Variants in GSE1 observed in about 807,000 individuals in gnomAD.
GSE1 encodes Gse1 coiled-coil protein.
Under a neutral mutation model 112.6 loss-of-function variants are expected in GSE1, and 32 were observed. That is an observed-to-expected ratio of 0.28 (90% confidence interval 0.21 to 0.38). The LOEUF (loss-of-function observed/expected upper bound fraction) is 0.38. Among genes scored for constraint, GSE1 ranks in the 10% least tolerant of loss-of-function variants. GSE1 has a pLI of 1.00. For missense variants in GSE1, 2,348 were observed against 1,699.2 expected, an observed-to-expected ratio of 1.38 and a Z score of -6.71; for synonymous variants, 1,115 against 735.6, an observed-to-expected ratio of 1.52 and a Z score of -8.35.
intron 1 of GSE1, among the ~76,000 whole-genome samples, chr16:85,291,334 C>T (rs930884524): frequency 3.9e-5 from 6 of 152,192 alleles, no homozygotes; most frequent in African/African-American, 1.2e-4. Flanking sequence ...CTGGGCAGCC[C>T]GCTCTGCAGA....
rs868095758 is a variant in GSE1, at chr16:85,171,066, C to T, written c.1542C>T (p.Ser514=). The T allele has an allele frequency of 3.4e-5, 34 of 985,678 alleles. No homozygotes were observed. In the African/African-American group the frequency reaches 4.9e-4, roughly 14 times the overall value. The allele number at this position is 985,678 out of a possible 1,614,324, so 61.1% of individuals were successfully genotyped here. A position where few individuals can be genotyped will look rare whatever the true frequency, so the allele number is the denominator to read the frequency against. The change falls in exon 1 of 3, where the codon AGC becomes AGT. Residue 514 remains serine, a synonymous_variant. Coordinates refer to the GSE1 transcript ENST00000637419. ...GCGCCATGCATTTCCCCTTCCTCAG[C>T]CTCCTGCCCTGCCCGCCCAACGCCC...
At chr16:85,452,740 G>A (rs536244363) in intron 2 of GSE1, among the ~76,000 whole-genome samples, 1 of 152,268 alleles carries the variant, frequency 6.6e-6, no homozygotes, top group Non-Finnish European at 1.5e-5. Context: ...CTGGGAGAGA[G>A]ACCCCTGGTG....
At chr16:85,304,245 C>T (rs1373477517) in intron 1 of GSE1, among the ~76,000 whole-genome samples, 1 of 152,238 alleles carries the variant, frequency 6.6e-6, no homozygotes, top group East Asian at 1.9e-4. Context: ...AGGAAGGGAT[C>T]GATCACTCGG....
chr16:85,435,408 C>G (rs1197557238), intron 2 of GSE1, among the ~76,000 whole-genome samples: 1 of 152,136 alleles, frequency 6.6e-6, no homozygotes, highest in African/African-American at 2.4e-5. Context: ...CTGCCCAGCT[C>G]TAGAGATCGA....
At chr16:85,339,433 C>T (rs58631551) in intron 1 of GSE1, among the ~76,000 whole-genome samples, 43,298 of 151,946 alleles carry the variant, frequency 0.28, 6,394 homozygotes, top group South Asian at 0.41. Flanking sequence ...TTGCTGCGCC[C>T]TTTCTAGAAG....
intron 13 of GSE1, chr16:85,666,721 A>T: frequency 4.1e-6 from 1 of 246,574 alleles, no homozygotes; most frequent in East Asian, 1.2e-4. Context: ...ATTTGAAAGA[A>T]TCATGTTTTT....
intron 15 of GSE1, chr16:85,671,934 A>T: frequency 6.1e-6 from 1 of 164,918 alleles, no homozygotes; most frequent in South Asian, 1.4e-4. Flanking sequence ...TTGAGCCAAG[A>T]CAGCAGCAGA....
upstream of GSE1, chr16:85,555,250 A>G (rs1392920952): frequency 2.0e-6 from 2 of 977,802 alleles, no homozygotes; most frequent in Non-Finnish European, 2.4e-6. Flanking sequence ...GGGGCTCTCC[A>G]CCGCCGTGCG....
intron 1 of GSE1, among the ~76,000 whole-genome samples, chr16:85,632,301 G>T (rs2049603750): frequency 6.6e-6 from 1 of 152,186 alleles, no homozygotes; most frequent in Non-Finnish European, 1.5e-5. Flanking sequence ...GCTCTCACTG[G>T]GGAGAACAAA....
intron 2 of GSE1, among the ~76,000 whole-genome samples, chr16:85,435,874 C>T (rs998431318): frequency 1.3e-5 from 2 of 152,092 alleles, no homozygotes; most frequent in Non-Finnish European, 2.9e-5. Context: ...TCCCATGTTC[C>T]CCAGGCAGGA....
chr16:85,243,276 C>T (rs1004052654), intron 1 of GSE1, among the ~76,000 whole-genome samples: 2 of 152,218 alleles, frequency 1.3e-5, no homozygotes, highest in Admixed American at 6.5e-5. Context: ...CTTGCTGGGC[C>T]GAGCTACAGT....
intron 2 of GSE1, among the ~76,000 whole-genome samples, chr16:85,442,898 C>T (rs893041982): frequency 6.6e-6 from 1 of 152,194 alleles, no homozygotes; most frequent in Non-Finnish European, 1.5e-5. Context: ...GAAATCCATC[C>T]TTGTCCCTTC....
intron 1 of GSE1, among the ~76,000 whole-genome samples, chr16:85,606,354 C>A: frequency 1.3e-5 from 2 of 152,332 alleles, no homozygotes; most frequent in Non-Finnish European, 2.9e-5. Context: ...GAAGGCAGGG[C>A]GGACTTCTCC....
chr16:85,539,198 GAAC>G (rs1048498687), intron 2 of GSE1, among the ~76,000 whole-genome samples: 1 of 152,210 alleles, frequency 6.6e-6, no homozygotes, highest in Non-Finnish European at 1.5e-5. Context: ...AGAGCCGTTT[GAAC>G]AACAAATGCA....
At chr16:85,570,062 G>C (rs1482763686) in intron 1 of GSE1, among the ~76,000 whole-genome samples, 2 of 152,194 alleles carry the variant, frequency 1.3e-5, no homozygotes, top group Non-Finnish European at 2.9e-5. Flanking sequence ...AGGCTGAACT[G>C]GCCACTTCTT....
At chr16:85,613,859 TGG>T (rs569458973) in intron 1 of GSE1, among the ~76,000 whole-genome samples, 3,381 of 47,706 alleles carry the variant, frequency 0.071, 153 homozygotes, top group African/African-American at 0.19. Flanking sequence ...AGCGGGGGTG[TGG>T]GGGGGGGGGG....
chr16:85,313,451 C>T (rs530257865), intron 1 of GSE1, among the ~76,000 whole-genome samples: 1 of 152,322 alleles, frequency 6.6e-6, no homozygotes, highest in African/African-American at 2.4e-5. Flanking sequence ...TCTCGGCCTC[C>T]TCTCTTGCAG....
intron 2 of GSE1, among the ~76,000 whole-genome samples, chr16:85,637,181 C>T (rs1020926817): frequency 6.6e-6 from 1 of 152,192 alleles, no homozygotes; most frequent in Non-Finnish European, 1.5e-5. Flanking sequence ...GCTCCCACGC[C>T]CTCCCCCAGC....
At chr16:85,302,562 G>A (rs1343308772) in intron 1 of GSE1, among the ~76,000 whole-genome samples, 2 of 152,064 alleles carry the variant, frequency 1.3e-5, no homozygotes, top group Non-Finnish European at 2.9e-5. Context: ...GCTTTCCTGC[G>A]CTGATACTGA....
Sources: allele counts gnomAD v4.1 joint callset (sites outside exome capture counted in the v4.1 genomes callset), GRCh38; gene constraint gnomAD v4.1.1; transcripts MANE v1.5; gene names NCBI Gene and HGNC (gene_info 2026-07-23, HGNC 2026-07-21).